TRIM29: variants seen among roughly 807,000 people sequenced by gnomAD.
TRIM29 encodes tripartite motif-containing protein 29.
A neutral mutation model predicts 57.3 loss-of-function variants in TRIM29; 52 were observed. The ratio of observed to expected loss-of-function variants is 0.91; its 90% CI spans 0.73 to 1.14. The LOEUF (loss-of-function observed/expected upper bound fraction) is 1.14. TRIM29 is among the 50% of genes most tolerant of loss of function. The pLI is 0.00. For missense variants in TRIM29, 753 were observed against 774.6 expected, an observed-to-expected ratio of 0.97 and a Z score of 0.33; for synonymous variants, 319 against 316.9, an observed-to-expected ratio of 1.01 and a Z score of -0.07.
chr11:120,137,503 T>C lies in TRIM29; in HGVS notation c.529A>G (p.Ile177Val). The change falls in exon 1 of 9, where the codon ATC becomes GTC. Residue 177 changes from isoleucine (I) to valine (V), a missense_variant. By Grantham distance (29) the Ile-to-Val change is conservative (BLOSUM62 3). Transcript: ENST00000341846. This position sits in a 1 kb window ranked among gnomAD's most constrained non-coding sequence, Gnocchi z 6.2. The part of the protein sequence containing the change: ...GSEEVLCDSC[I>V]GNKQKAVKSC... ...TTGACCGCCTTCTGCTTGTTGCCGA[T>C]GCAGGAGTCGCACAGCACCTCCTCG... 2 of 1,602,956 alleles carry C rather than the reference T, an allele frequency of 1.2e-6. No homozygotes were observed. The highest frequency in any genetic ancestry group is 1.7e-6 in the Non-Finnish European group (2 of 1,179,914).
intron 3 of TRIM29, 30 bp from the exon 4 acceptor site, chr11:120,125,919 C>T: frequency 1.9e-6 from 3 of 1,603,110 alleles, no homozygotes; most frequent in Non-Finnish European, 2.6e-6. Flanking sequence ...CCATTAACTG[C>T]CTGGGTCTTC....
intron 5 of TRIM29, chr11:120,122,042 G>C: frequency 2.3e-6 from 1 of 435,456 alleles, no homozygotes; most frequent in Non-Finnish European, 4.7e-6. Context: ...AAGCCCAGGG[G>C]TTGTTTTCAA....
intron 5 of TRIM29, chr11:120,121,217 C>T (rs924719865): frequency 1.2e-4 from 28 of 243,440 alleles, no homozygotes; most frequent in African/African-American, 5.2e-4. Context: ...CCCCCATTTC[C>T]GGCCCTGCCA....
rs772051992 is a variant in TRIM29, at chr11:120,125,795, C to T, written c.1229G>A (p.Gly410Asp). The change falls in exon 4 of 9, where the codon GGC becomes GAC. Residue 410 changes from glycine to aspartate, a missense_variant. Gly to Asp is a moderately conservative substitution (Grantham distance 94). Coordinates refer to ENST00000341846, the MANE Select transcript of TRIM29 (RefSeq NM_012101.4). Reference sequence around the variant, plus strand: ...ATTGAGCAGGTCGTCCTTGAAGTTGCCTAGTGACTGTCCCAGGCCCTCCCC... The same window carrying T: ...ATTGAGCAGGTCGTCCTTGAAGTTGTCTAGTGACTGTCCCAGGCCCTCCCC... The part of the protein sequence containing the change: ...LEGEGLGQSL[G>D]NFKDDLLNVC... 1.1e-5 allele frequency: 18 copies of T among 1,614,160 alleles called. No individual in the cohort carries two copies. The Admixed American group carries it at 3.0e-4, about 27-fold the overall frequency.
At chr11:120,134,506 C>T (rs1462690226) in intron 1 of TRIM29, among the ~76,000 whole-genome samples, 2 of 152,238 alleles carry the variant, frequency 1.3e-5, no homozygotes. Flanking sequence ...CCCACTAACC[C>T]TGCTCTGTGC....
Position 120,125,797 on chromosome 11 carries a change from T to C in TRIM29, c.1227A>G (p.Leu409=), listed in dbSNP as rs1178284153. ...TGAGCAGGTCGTCCTTGAAGTTGCCTAGTGACTGTCCCAGGCCCTCCCCCT... is the reference window on the plus strand; with the variant it reads ...TGAGCAGGTCGTCCTTGAAGTTGCCCAGTGACTGTCCCAGGCCCTCCCCCT... The part of the protein sequence containing the change: ...LLEGEGLGQS[L]GNFKDDLLNV... Residue 409 remains leucine (L), a synonymous_variant, in exon 4 of 9, where the codon CTA becomes CTG. Transcript: ENST00000341846. 1 of 1,614,160 alleles carries C rather than the reference T, an allele frequency of 6.2e-7. No individual in the cohort carries two copies. Among genetic ancestry groups the C allele is most frequent in the Admixed American group, 1.7e-5 (1 of 60,028 alleles).
At chr11:120,125,991 T>C in intron 3 of TRIM29, 102 bp from the exon 4 acceptor site, 1 of 1,162,350 alleles carries the variant, frequency 8.6e-7, no homozygotes, top group Non-Finnish European at 1.2e-6. Flanking sequence ...GTCTCAGCGC[T>C]GCAAGCCCCA....
At chr11:120,134,635 CAT>C (rs1343002619) in intron 1 of TRIM29, among the ~76,000 whole-genome samples, 2 of 152,216 alleles carry the variant, frequency 1.3e-5, no homozygotes, top group African/African-American at 4.8e-5. Context: ...TGCAGGTGCA[CAT>C]GTGTGTGCAC....
rs200590623 is a variant in TRIM29, at chr11:120,125,760, G to C, written c.1264C>G (p.Arg422Gly). The stretch of plus-strand genomic sequence containing the variant: ...GCCTTGCACATCTTCTCAACGTGGC[G>C]CATGCATACATTGAGCAGGTCGTCC... Reference protein sequence around the residue: ...FKDDLLNVCMRHVEKMCKADL... With the variant: ...FKDDLLNVCMGHVEKMCKADL... Residue 422 changes from arginine to glycine, a missense_variant, in exon 4 of 9, where the codon CGC (arginine) becomes GGC (glycine). Arg to Gly is a moderately radical substitution (Grantham distance 125). Coordinates refer to ENST00000341846, the MANE Select transcript of TRIM29 (RefSeq NM_012101.4). 6.2e-7 allele frequency: 1 copy of C among 1,614,022 alleles called. No individual in the cohort carries two copies. Among genetic ancestry groups the C allele is most frequent in the African/African-American group, 1.3e-5 (1 of 74,912 alleles).
chr11:120,136,486 C>T (rs906433648), intron 1 of TRIM29, among the ~76,000 whole-genome samples: 16 of 152,238 alleles, frequency 1.1e-4, no homozygotes, highest in African/African-American at 3.9e-4. Flanking sequence ...CATCCACACA[C>T]AAACTCCAAA....
chr11:120,137,146 G>T lies in TRIM29; in HGVS notation c.804+82C>A. On this transcript the variant is annotated intron_variant, in intron 1 of 8. Transcript: ENST00000341846. The surrounding 1 kb of genome is among the most constrained non-coding windows in gnomAD (Gnocchi z 6.2). Reference sequence around the variant, plus strand: ...AAACTTAAGCCCCAAACCCGAGGAAGCCCGAGTGGAGAAGATGAAGTTCGG... The same window carrying T: ...AAACTTAAGCCCCAAACCCGAGGAATCCCGAGTGGAGAAGATGAAGTTCGG... 1.3e-6 allele frequency: 2 copies of T among 1,490,736 alleles called. No individual in the cohort carries two copies. Among genetic ancestry groups the T allele is most frequent in the Non-Finnish European group, 1.8e-6 (2 of 1,091,310 alleles). 92.3% of individuals were successfully genotyped at this position (1,490,736 alleles called of 1,614,324 possible). A position where few individuals can be genotyped will look rare whatever the true frequency, so the allele number is the denominator to read the frequency against.
intron 1 of TRIM29, chr11:120,128,934 C>T (rs1863661227): frequency 1.5e-6 from 2 of 1,375,486 alleles, no homozygotes; most frequent in South Asian, 1.5e-5. Context: ...CAGTGTGCAG[C>T]GTTTCTATGG....
intron 8 of TRIM29, 116 bp from the exon 9 acceptor site, chr11:120,112,592 T>A: frequency 9.0e-7 from 1 of 1,109,424 alleles, no homozygotes; most frequent in Non-Finnish European, 1.3e-6. Context: ...CCGACAATTC[T>A]AGGGGCCTTT....
At chr11:120,133,754 G>T (rs888327043) in intron 1 of TRIM29, among the ~76,000 whole-genome samples, 14 of 152,264 alleles carry the variant, frequency 9.2e-5, no homozygotes, top group African/African-American at 3.4e-4. Flanking sequence ...CAGCTTTTGT[G>T]TTAGAATTGG....
rs1863134306 is a variant in TRIM29, at chr11:120,111,544, C to T, written c.*870G>A. The T allele has an allele frequency of 6.6e-6, 1 of 152,202 alleles. No homozygotes were observed. The highest frequency in any genetic ancestry group is 2.4e-5 in the African/African-American group (1 of 41,412). The allele number at this position is 152,202 out of a possible 1,614,324, so 9.4% of individuals were successfully genotyped here. A position where few individuals can be genotyped will look rare whatever the true frequency, so the allele number is the denominator to read the frequency against. On this transcript the variant is annotated 3_prime_UTR_variant, in exon 9 of 9. Transcript: ENST00000341846. Reference sequence around the variant, plus strand: ...GAGGGTGGGGGCAGTGTGTAAGGCACCTTTTGCGGTCAGCCCAGCCACACT... The same window carrying T: ...GAGGGTGGGGGCAGTGTGTAAGGCATCTTTTGCGGTCAGCCCAGCCACACT...
At chr11:120,120,797 A>G in intron 5 of TRIM29, 132 bp from the exon 6 acceptor site, 1 of 758,890 alleles carries the variant, frequency 1.3e-6, no homozygotes, top group Non-Finnish European at 2.3e-6. Context: ...TGGGTCTGAC[A>G]TAAGTCAATC....
intron 4 of TRIM29, 39 bp from the exon 5 acceptor site, chr11:120,123,094 G>C: frequency 6.3e-7 from 1 of 1,592,328 alleles, no homozygotes; most frequent in Non-Finnish European, 8.6e-7. Flanking sequence ...GGAGCCAGGT[G>C]GGAAGGAGGA....
At chr11:120,120,898 G>A in intron 5 of TRIM29, 1 of 627,490 alleles carries the variant, frequency 1.6e-6, no homozygotes, top group Non-Finnish European at 2.9e-6. Context: ...ACTTGGAGAG[G>A]CCATGGCAAC....
intron 6 of TRIM29, among the ~76,000 whole-genome samples, chr11:120,119,253 C>T (rs112717888): frequency 0.043 from 6,609 of 152,192 alleles, 478 homozygotes; most frequent in African/African-American, 0.15. Flanking sequence ...CCATGGGTGA[C>T]GCACACTTCT....
Sources: gnomAD v4.1 joint callset for allele counts (sites outside exome capture counted in the v4.1 genomes callset) on GRCh38, gnomAD v4.1.1 for gene constraint, Gnocchi (gnomAD v3.1) non-coding constraint, MANE v1.5 for transcripts, NCBI Gene and HGNC (gene_info 2026-07-23, HGNC 2026-07-21) for gene names.